The following INO80 variants were observed in gnomAD, a reference collection of about 807,000 sequenced individuals.
INO80 encodes the protein chromatin-remodeling ATPase INO80.
In INO80, 20 loss-of-function variants were observed where a neutral mutation model predicts 203.4. That is an observed-to-expected ratio of 0.10 (90% CI 0.07 to 0.14). INO80 has a LOEUF of 0.14. INO80 is among the 10% of genes least tolerant of loss of function. The pLI is 1.00. For missense variants in INO80, 1,419 were observed against 1,914.4 expected (o/e 0.74, Z 4.83); for synonymous variants, 726 against 685.2 (o/e 1.06, Z -0.93).
At position 41,116,065 on chromosome 15, in the gene INO80, G is replaced by A. The variant is rs2140731092; in HGVS notation, c.-136C>T. On this transcript the variant is annotated 5_prime_UTR_variant, in exon 1 of 36. Coordinates refer to ENST00000648947, the MANE Select transcript of INO80 (RefSeq NM_017553.3). ...GGGGGGGGTCGCCCCGCCGACGGTG[G>A]AGCCGCGGTTCGCTCTCTGAGGCCG... 2.5e-6 allele frequency: 1 copy of A among 396,188 alleles called. No homozygotes were observed. Among genetic ancestry groups the A allele is most frequent in the South Asian group, 1.3e-4 (1 of 7,848 alleles). The allele number at this position is 396,188 out of a possible 1,614,324, so 24.5% of individuals were successfully genotyped here.
At chr15:41,066,926 C>T (rs2045230578) in intron 14 of INO80, among the ~76,000 whole-genome samples, 2 of 150,388 alleles carry the variant, frequency 1.3e-5, no homozygotes, top group Non-Finnish European at 3.0e-5. Flanking sequence ...AAAGAAAGTT[C>T]AACATGCAAA....
rs562258304 is a variant in INO80 at position 41,063,154 on chromosome 15, T to C, written c.1783-3228A>G. Among the ~76,000 whole-genome samples, 409 of 152,072 alleles carry C rather than the reference T, an allele frequency of 2.7e-3. 3 individuals are homozygous for C. Among genetic ancestry groups the C allele is most frequent in the South Asian group, 0.013 (62 of 4,820 alleles). On this transcript the variant is annotated intron_variant, in intron 14 of 35. Transcript: ENST00000648947. ...GAGTCCAAGACCAGCCTGGCCAACA[T>C]GGTGAAACCCCATCTCTAGTAAAAA... is the stretch of plus-strand genomic sequence containing the variant.
At chr15:41,065,337 C>CT (rs2045190924) in intron 14 of INO80, among the ~76,000 whole-genome samples, 1 of 151,422 alleles carries the variant, frequency 6.6e-6, no homozygotes, top group Non-Finnish European at 1.5e-5. Context: ...ACTCGGGAGG[C>CT]TGAGGCAAAA....
intron 7 of INO80, 58 bp from the exon 8 acceptor site, chr15:41,081,131 T>G: frequency 9.3e-7 from 1 of 1,071,256 alleles, no homozygotes; most frequent in Admixed American, 1.8e-5. Flanking sequence ...TAAGACTATG[T>G]AGAATGAACA....
chr15:41,027,279 C>T (rs538337783), intron 25 of INO80, among the ~76,000 whole-genome samples: 6 of 152,298 alleles, frequency 3.9e-5, no homozygotes, highest in Admixed American at 1.3e-4. Flanking sequence ...ATGGTTCCCT[C>T]GCCCCGACCC....
At chr15:41,058,575 G>GCC in intron 16 of INO80, 64 bp downstream of exon 16, 3 of 1,030,488 alleles carry the variant, frequency 2.9e-6, no homozygotes, top group Non-Finnish European at 4.1e-6. Context: ...GTGTGCGTGT[G>GCC]TGTGTGTGTG....
At chr15:41,055,653 G>A (rs1255272226) in intron 17 of INO80, among the ~76,000 whole-genome samples, 3 of 152,126 alleles carry the variant, frequency 2.0e-5, no homozygotes, top group Non-Finnish European at 4.4e-5. Context: ...TAGTTTTAAC[G>A]ATCTTCTTAT....
chr15:41,099,265 A>C (rs1329089552), intron 1 of INO80, among the ~76,000 whole-genome samples: 35 of 126,882 alleles, frequency 2.8e-4, no homozygotes, highest in Non-Finnish European at 2.0e-4. Flanking sequence ...AAAAAAAAAA[A>C]AACAAACACA....
intron 24 of INO80, among the ~76,000 whole-genome samples, chr15:41,031,548 A>AGAATGCCATACTATG: frequency 2.2e-3 from 1 of 450 alleles, no homozygotes; most frequent in Non-Finnish European, 0.011. Context: ...GGAAGGGAGG[A>AGAATGCCATACTATG]GGGAGGAAGG....
intron 25 of INO80, among the ~76,000 whole-genome samples, 195 bp downstream of exon 25, chr15:41,027,401 C>T (rs932253426): frequency 6.6e-6 from 1 of 152,170 alleles, no homozygotes; most frequent in African/African-American, 2.4e-5. Context: ...CTTAAATCAA[C>T]AAATGAAGGT....
chr15:41,043,545 G>A (rs981926490), intron 24 of INO80, among the ~76,000 whole-genome samples: 3 of 152,192 alleles, frequency 2.0e-5, no homozygotes. Context: ...CAGAAGAGAA[G>A]GAAATCATGT....
chr15:41,112,698 G>T (rs956519967), intron 1 of INO80, among the ~76,000 whole-genome samples: 3 of 128,780 alleles, frequency 2.3e-5, no homozygotes, highest in African/African-American at 5.7e-5. Context: ...TGAAGCAGGA[G>T]AATTTCTTGA....
chr15:41,060,015 A>C lies in INO80; in HGVS notation c.1783-89T>G, dbSNP rs769148694. On this transcript the variant is annotated intron_variant, in intron 14 of 35. Transcript: ENST00000648947. ...ATATAATTCGGAACAATTTAAAAAG[A>C]AACTAATAAAATGAGCATAGGAATT... The C allele has an allele frequency of 1.9e-5, 17 of 900,422 alleles. 1 individual carries two copies. Among genetic ancestry groups the C allele is most frequent in the Non-Finnish European group, 2.7e-5 (16 of 589,500 alleles). The allele number at this position is 900,422 out of a possible 1,614,324, so 55.8% of individuals were successfully genotyped here.
intron 9 of INO80, among the ~76,000 whole-genome samples, chr15:41,078,904 G>A (rs2045443178): frequency 6.6e-6 from 1 of 152,160 alleles, no homozygotes; most frequent in Admixed American, 6.5e-5. Flanking sequence ...ACTTTGGGAG[G>A]CCGAGGCAGG....
chr15:41,055,676 C>T (rs1054466567), intron 17 of INO80, among the ~76,000 whole-genome samples: 24 of 152,156 alleles, frequency 1.6e-4, no homozygotes, highest in African/African-American at 5.6e-4. Context: ...AAATCTATTC[C>T]ATAATTGAAC....
In INO80 at chr15:40,980,354, AAGG is replaced by A. The variant is rs757925088; in HGVS notation, c.4537_4539del (p.Pro1513del). The A allele has an allele frequency of 6.2e-7, 1 of 1,614,054 alleles. No individual in the cohort carries two copies. ...TTTCCCTTGCTCAAAGGGGAACTCA[AAGG>A]AGAAGAGGCGCTTGAAGGTCCAAAG... On this transcript the variant is annotated inframe_deletion, in exon 36 of 36. Coordinates refer to ENST00000648947, the MANE Select transcript of INO80 (RefSeq NM_017553.3).
chr15:41,045,354 C>T (rs1050527356), intron 23 of INO80, among the ~76,000 whole-genome samples: 3 of 151,184 alleles, frequency 2.0e-5, no homozygotes, highest in Non-Finnish European at 3.0e-5. Context: ...TTTGGGAGGC[C>T]GAGGCAGGTG....
At chr15:41,106,262 T>C (rs1455033442) in intron 1 of INO80, among the ~76,000 whole-genome samples, 1 of 151,366 alleles carries the variant, frequency 6.6e-6, no homozygotes, top group South Asian at 2.1e-4. Context: ...CGAGCACCTA[T>C]AGTCCCAGCT....
chr15:41,101,890 CA>C (rs2045813474), intron 1 of INO80, among the ~76,000 whole-genome samples: 1 of 149,560 alleles, frequency 6.7e-6, no homozygotes, highest in Non-Finnish European at 1.5e-5. Context: ...CATACTAGTA[CA>C]AAAGATATGA....
Sources: allele counts gnomAD v4.1 joint callset (sites outside exome capture counted in the v4.1 genomes callset), GRCh38; gene constraint gnomAD v4.1.1; transcripts MANE v1.5; gene names NCBI Gene and HGNC (gene_info 2026-07-23, HGNC 2026-07-21).